The following ABR variants were observed in gnomAD, a reference collection of about 807,000 sequenced individuals.
ABR encodes the protein ABR activator of RhoGEF and GTPase, also known as active breakpoint cluster region-related protein.
A neutral mutation model predicts 107.2 loss-of-function variants in ABR; 35 were observed. The ratio of observed to expected loss-of-function variants is 0.33; its 90% confidence interval spans 0.25 to 0.43. The LOEUF (loss-of-function observed/expected upper bound fraction) is 0.43, where lower values mean the gene tolerates loss of function less well. ABR is among the 20% of genes least tolerant of loss of function. The pLI, the probability that ABR is intolerant of heterozygous loss-of-function variation, is 1.00. For missense variants in ABR, 815 were observed against 1,115.2 expected (o/e 0.73, Z 3.83); for synonymous variants, 498 against 462.0 (o/e 1.08, Z -1.00).
intron 3 of ABR, among the ~76,000 whole-genome samples, chr17:1,099,407 G>A (rs2037720104): frequency 6.6e-6 from 1 of 152,178 alleles, no homozygotes; most frequent in Non-Finnish European, 1.5e-5. Flanking sequence ...TCATTCCTGG[G>A]TAACATAAAT....
chr17:1,172,950 ACC>A lies in ABR; in HGVS notation c.61+6715_61+6716del, dbSNP rs74213812. ...GAATATAGAACAGAGCAGGTAATCCACCCCCCCCATCACCTCAGCCCACCCAA... is the reference window on the plus strand; with the variant it reads ...GAATATAGAACAGAGCAGGTAATCCACCCCCCATCACCTCAGCCCACCCAA... On this transcript the variant is annotated intron_variant, in intron 1 of 22. Coordinates refer to ENST00000302538, the MANE Select transcript of ABR (RefSeq NM_021962.5). Among the ~76,000 whole-genome samples the A allele has an allele frequency of 5.6e-5, 7 of 124,752 alleles. 1 individual carries two copies. The highest frequency in any genetic ancestry group is 1.2e-4 in the Non-Finnish European group (7 of 60,818). The allele number at this position is 124,752 out of a possible 152,430, so 81.8% of individuals were successfully genotyped here.
At chr17:1,087,489 C>G (rs977312521) in intron 4 of ABR, among the ~76,000 whole-genome samples, 2 of 151,676 alleles carry the variant, frequency 1.3e-5, no homozygotes, top group Admixed American at 6.6e-5. Context: ...GCATTCAGGT[C>G]TCAGCTGCAG....
At chr17:1,225,133 C>T (rs142104992) in intron 1 of ABR, among the ~76,000 whole-genome samples, 21,832 of 143,236 alleles carry the variant, frequency 0.15, 2,567 homozygotes, top group African/African-American at 0.33. Flanking sequence ...TGGGCAACAC[C>T]GTGAGACTCC....
intron 1 of ABR, among the ~76,000 whole-genome samples, chr17:1,167,872 G>A (rs1223026852): frequency 1.3e-5 from 2 of 152,172 alleles, no homozygotes; most frequent in African/African-American, 2.4e-5. Flanking sequence ...ACACGATATC[G>A]GCCGGGCGGG....
At chr17:1,107,643 T>C (rs371549640) in intron 2 of ABR, among the ~76,000 whole-genome samples, 78 of 152,316 alleles carry the variant, frequency 5.1e-4, no homozygotes, top group Middle Eastern at 3.4e-3. Flanking sequence ...GCCTGACTCC[T>C]GGCTCAGGAG....
At chr17:1,177,574 C>T (rs986877324) in intron 1 of ABR, among the ~76,000 whole-genome samples, 1 of 152,036 alleles carries the variant, frequency 6.6e-6, no homozygotes, top group East Asian at 1.9e-4. Context: ...TTGCTCCAGG[C>T]GTGGGAGGAA....
intron 1 of ABR, among the ~76,000 whole-genome samples, chr17:1,214,180 C>T (rs1206982101): frequency 1.3e-5 from 2 of 152,122 alleles, no homozygotes; most frequent in African/African-American, 4.8e-5. Context: ...CCACCGCTCC[C>T]GGCCTGAGAT....
At chr17:1,202,391 T>C (rs2042687379) in intron 1 of ABR, among the ~76,000 whole-genome samples, 1 of 152,170 alleles carries the variant, frequency 6.6e-6, no homozygotes, top group Non-Finnish European at 1.5e-5. Flanking sequence ...CAAAAGAGAA[T>C]CTCCAACCTC....
chr17:1,124,402 C>A lies in ABR; in HGVS notation c.246+781G>T, dbSNP rs187132581. Among the ~76,000 whole-genome samples the A allele has an allele frequency of 2.1e-3, 322 of 152,250 alleles. 1 individual carries two copies. Among genetic ancestry groups the A allele is most frequent in the Non-Finnish European group, 3.9e-3 (262 of 68,000 alleles). On this transcript the variant is annotated intron_variant, in intron 2 of 22. Transcript: ENST00000302538. Reference sequence around the variant, plus strand: ...TCCCACCGCCTCCTGCAACACACACCCCCCACAGAGGACCGGCTTGGATTC... The same window carrying A: ...TCCCACCGCCTCCTGCAACACACACACCCCACAGAGGACCGGCTTGGATTC...
At position 1,058,864 on chromosome 17, in the gene ABR, C is replaced by T. The variant is rs1175362308; in HGVS notation, c.1186G>A (p.Ala396Thr). 1 of 1,614,054 alleles carries T rather than the reference C, an allele frequency of 6.2e-7. No individual in the cohort carries two copies. The highest frequency in any genetic ancestry group is 1.7e-5 in the Admixed American group (1 of 60,012). The part of the protein sequence containing the change: ...ALKSEIQKEK[A>T]NKGQSRAIER... ...ATGGCCCGGCTCTGGCCTTTGTTGGCTTTCTGCAGGAGATGGGGACACAGA... is the reference window on the plus strand; with the variant it reads ...ATGGCCCGGCTCTGGCCTTTGTTGGTTTTCTGCAGGAGATGGGGACACAGA... The change falls in exon 11 of 23, where the codon GCC becomes ACC. Residue 396 changes from alanine to threonine, a missense_variant. Ala to Thr is a moderately conservative substitution (Grantham distance 58, BLOSUM62 0). This residue lies in a region of ABR where 385 missense variants were observed against 596.9 expected (regional missense o/e 0.64). Transcript: ENST00000302538.
intron 1 of ABR, among the ~76,000 whole-genome samples, chr17:1,204,055 C>T (rs563032693): frequency 1.2e-3 from 184 of 152,370 alleles, no homozygotes; most frequent in Middle Eastern, 3.4e-3. Context: ...CCACTCCTCC[C>T]GGCCTCTCCC....
rs1049310371 is a variant in ABR, at chr17:1,112,617, A to G, written c.247-11882T>C. ...GTCTTGAGGGAGGGAGGGAGGGAGG[A>G]AGGAAGGAAGGAAGAGAGGAAGGAA... On this transcript the variant is annotated intron_variant, in intron 2 of 22. Coordinates refer to ENST00000302538, the MANE Select transcript of ABR (RefSeq NM_021962.5). 4.0e-5 allele frequency among the ~76,000 whole-genome samples: 6 copies of G among 150,104 alleles called. No individual in the cohort carries two copies. The East Asian group carries it at 5.8e-4, about 15-fold the overall frequency.
intron 2 of ABR, among the ~76,000 whole-genome samples, chr17:1,111,801 T>C (rs1414718974): frequency 6.6e-6 from 1 of 152,162 alleles, no homozygotes; most frequent in Non-Finnish European, 1.5e-5. Context: ...AGGCCAGTGG[T>C]GGCCCGCTGC....
At chr17:1,184,555 C>T (rs2042233225), upstream of ABR, among the ~76,000 whole-genome samples, 2 of 152,222 alleles carry the variant, frequency 1.3e-5, no homozygotes, top group African/African-American at 4.8e-5. Flanking sequence ...CCCAGCACAG[C>T]TATGACCACA....
chr17:1,220,655 G>A (rs2043104105), intron 1 of ABR, among the ~76,000 whole-genome samples: 1 of 152,128 alleles, frequency 6.6e-6, no homozygotes, highest in South Asian at 2.1e-4. Flanking sequence ...CAGCCCTGAT[G>A]TTTGGAGGTG....
chr17:1,042,358 C>T (rs2030704723), intron 16 of ABR, among the ~76,000 whole-genome samples: 1 of 151,806 alleles, frequency 6.6e-6, no homozygotes, highest in Non-Finnish European at 1.5e-5. Flanking sequence ...CACCTACATC[C>T]ACGAACGGAT....
intron 1 of ABR, among the ~76,000 whole-genome samples, chr17:1,172,952 C>A (rs571743845): frequency 5.9e-5 from 2 of 33,698 alleles, no homozygotes; most frequent in South Asian, 2.0e-3. Context: ...GGTAATCCAC[C>A]CCCCCCATCA....
intron 16 of ABR, among the ~76,000 whole-genome samples, chr17:1,046,941 G>A (rs1422014120): frequency 6.6e-6 from 1 of 152,202 alleles, no homozygotes; most frequent in African/African-American, 2.4e-5. Flanking sequence ...CATTGGTGAC[G>A]CATGCTGCCG....
chr17:1,199,925 C>CT (rs11442804), intron 1 of ABR, among the ~76,000 whole-genome samples: 47,295 of 147,070 alleles, frequency 0.32, 9,294 homozygotes, highest in East Asian at 0.86. Flanking sequence ...GCTCTTTTTT[C>CT]TTTTTTTTTT....
Sources: allele counts gnomAD v4.1 joint callset (sites outside exome capture counted in the v4.1 genomes callset), GRCh38; gene constraint gnomAD v4.1.1; regional missense constraint gnomAD v4.1.1; transcripts MANE v1.5; gene names NCBI Gene and HGNC (gene_info 2026-07-23, HGNC 2026-07-21).